ELP4: variants seen among roughly 807,000 people sequenced by gnomAD.
ELP4 encodes the protein elongator acetyltransferase complex subunit 4, also known as elongator complex protein 4.
ELP4 carries 51 observed loss-of-function variants against 48.9 expected under a neutral mutation model. That is an observed-to-expected ratio of 1.04 (90% CI 0.83 to 1.32). The LOEUF (loss-of-function observed/expected upper bound fraction) is 1.32. Ranked by LOEUF, ELP4 falls within the 40% of genes most tolerant of loss-of-function variation. The pLI is 0.00. For missense variants in ELP4, 519 were observed against 514.6 expected (o/e 1.01, Z -0.08); for synonymous variants, 210 against 189.2 (o/e 1.11, Z -0.90).
intron 3 of ELP4, among the ~76,000 whole-genome samples, chr11:31,565,096 G>A (rs536747372): frequency 2.0e-5 from 3 of 152,298 alleles, no homozygotes; most frequent in Admixed American, 6.5e-5. Flanking sequence ...GTATCTCATT[G>A]TGGTTTTGAT....
At chr11:31,512,019 T>C (rs1336304272) in intron 1 of ELP4, 1 of 152,226 alleles carries the variant, frequency 6.6e-6, no homozygotes, top group African/African-American at 2.4e-5. Context: ...TAGAATTGAC[T>C]ACATCTTGAA....
chr11:31,587,447 A>G (rs1324052559), intron 3 of ELP4, among the ~76,000 whole-genome samples: 2 of 152,208 alleles, frequency 1.3e-5, no homozygotes, highest in Admixed American at 1.3e-4. Context: ...AAGGAAAGAG[A>G]AATTGATTTT....
intron 3 of ELP4, among the ~76,000 whole-genome samples, chr11:31,557,048 G>T (rs1956942203): frequency 6.6e-6 from 1 of 151,778 alleles, no homozygotes; most frequent in South Asian, 2.1e-4. Context: ...CCAGAAGTCT[G>T]AGAATAAAGA....
intron 8 of ELP4, chr11:31,649,909 G>A (rs893755151): frequency 1.8e-5 from 7 of 380,890 alleles, no homozygotes; most frequent in African/African-American, 4.2e-5. Context: ...AGTTTTCCTC[G>A]CACAAGGATT....
chr11:31,724,774 T>G (rs1486136202), intron 9 of ELP4, among the ~76,000 whole-genome samples: 1 of 152,284 alleles, frequency 6.6e-6, no homozygotes, highest in Non-Finnish European at 1.5e-5. Flanking sequence ...ATTGTGGCTT[T>G]CAAGTGTGCT....
At chr11:31,753,555 C>A (rs752601489) in intron 9 of ELP4, among the ~76,000 whole-genome samples, 6 of 152,198 alleles carry the variant, frequency 3.9e-5, no homozygotes, top group Non-Finnish European at 8.8e-5. Context: ...ATTGTTACAA[C>A]TGCTTCTCAG....
Position 31,567,821 on chromosome 11 carries a change from A to C in ELP4, c.382-26949A>C, listed in dbSNP as rs58063178. On this transcript the variant is annotated intron_variant, in intron 3 of 9. Transcript: ENST00000640961. ...AATTTAAAAAGACCTTATTGCTAAA[A>C]AATGGTAACAGTTATATGAGCCTTA... Among the ~76,000 whole-genome samples the C allele has an allele frequency of 8.1e-3, 1,235 of 152,330 alleles. 15 individuals are homozygous for C. Among genetic ancestry groups the C allele is most frequent in the African/African-American group, 0.028 (1,152 of 41,568 alleles).
At chr11:31,527,183 C>T (rs1956308709) in intron 2 of ELP4, among the ~76,000 whole-genome samples, 1 of 151,904 alleles carries the variant, frequency 6.6e-6, no homozygotes, top group Admixed American at 6.6e-5. Context: ...CTGATTTTCC[C>T]TCTCATTCTG....
At chr11:31,510,487 T>G in intron 1 of ELP4, 1 of 410,014 alleles carries the variant, frequency 2.4e-6, no homozygotes, top group Non-Finnish European at 4.3e-6. Context: ...GCCTGTTCTC[T>G]GGTTCTAAAT....
intron 9 of ELP4, among the ~76,000 whole-genome samples, chr11:31,762,633 CT>C (rs1947966363): frequency 6.6e-6 from 1 of 151,778 alleles, no homozygotes; most frequent in Non-Finnish European, 1.5e-5. Context: ...GTATATTTAG[CT>C]ATGATTATTT....
chr11:31,721,306 A>G (rs574525765), intron 9 of ELP4, among the ~76,000 whole-genome samples: 99 of 152,246 alleles, frequency 6.5e-4, no homozygotes, highest in African/African-American at 2.2e-3. Context: ...GCCTTATGCC[A>G]ATGGGTTCCT....
chr11:31,665,696 C>T (rs1945658375), intron 9 of ELP4, among the ~76,000 whole-genome samples: 1 of 144,440 alleles, frequency 6.9e-6, no homozygotes, highest in African/African-American at 2.6e-5. Context: ...TCTGTGTCAC[C>T]CAGGCTGGAG....
At chr11:31,762,394 T>C in intron 9 of ELP4, among the ~76,000 whole-genome samples, 1 of 152,170 alleles carries the variant, frequency 6.6e-6, no homozygotes, top group Non-Finnish European at 1.5e-5. Context: ...TACAGAAATC[T>C]ACATTTTATT....
At chr11:31,553,288 A>G (rs1388220487) in intron 3 of ELP4, among the ~76,000 whole-genome samples, 1 of 152,190 alleles carries the variant, frequency 6.6e-6, no homozygotes, top group Non-Finnish European at 1.5e-5. Flanking sequence ...ATATTTGGTC[A>G]AATATTATTC....
At chr11:31,565,964 A>G (rs376233669) in intron 3 of ELP4, among the ~76,000 whole-genome samples, 10 of 152,258 alleles carry the variant, frequency 6.6e-5, no homozygotes, top group East Asian at 5.8e-4. Flanking sequence ...TACCTTGAGC[A>G]TTATGGCCAT....
rs36043815 is a variant in ELP4, at chr11:31,790,120, A to AC, written c.*6597dup. The AC allele has an allele frequency of 7.2e-4, 546 of 760,094 alleles. 4 individuals are homozygous for AC. The highest frequency in any genetic ancestry group is 9.7e-4 in the Admixed American group (35 of 36,000). The allele number at this position is 760,094 out of a possible 1,614,324, so 47.1% of individuals were successfully genotyped here. A position where few individuals can be genotyped will look rare whatever the true frequency, so the allele number is the denominator to read the frequency against. ...TACAAAAAAAAAAAAAAAAAAAAAA[A>AC]CTAATACTTTCTAACATTTTTTACT... is the stretch of plus-strand genomic sequence containing the variant. On this transcript the variant is annotated 3_prime_UTR_variant, in exon 10 of 10. Transcript: ENST00000640961.
chr11:31,621,485 A>G (rs1944620592), intron 5 of ELP4, among the ~76,000 whole-genome samples: 1 of 151,924 alleles, frequency 6.6e-6, no homozygotes, highest in Admixed American at 6.6e-5. Context: ...CCCTGGCTTT[A>G]CAGATGAGAA....
chr11:31,745,546 T>C (rs570416132), intron 9 of ELP4, among the ~76,000 whole-genome samples: 2 of 152,188 alleles, frequency 1.3e-5, no homozygotes, highest in East Asian at 3.9e-4. Flanking sequence ...AACAGAGATA[T>C]AGACCAATGG....
chr11:31,575,310 C>CT (rs1196135456), intron 3 of ELP4, among the ~76,000 whole-genome samples: 1 of 152,194 alleles, frequency 6.6e-6, no homozygotes. Context: ...AAATCTATGT[C>CT]TGATTGGTGT....
Sources: gnomAD v4.1 joint callset for allele counts (sites outside exome capture counted in the v4.1 genomes callset) on GRCh38, gnomAD v4.1.1 for gene constraint, MANE v1.5 for transcripts, NCBI Gene and HGNC (gene_info 2026-07-23, HGNC 2026-07-21) for gene names.